Variants in DOCK9 observed in about 807,000 individuals in gnomAD.
The protein encoded by DOCK9 is dedicator of cytokinesis protein 9.
A neutral mutation model predicts 263.3 loss-of-function variants in DOCK9; 89 were observed. The observed-to-expected ratio is 0.34, with a 90% CI of 0.28 to 0.40. DOCK9 has a LOEUF of 0.40. Ranked by LOEUF, DOCK9 falls within the 10% of genes least tolerant of loss-of-function variation. The probability of loss-of-function intolerance (pLI) is 1.00; values close to 1 mark genes in which losing one functional copy is unlikely to be tolerated. For synonymous variants in DOCK9, 976 were observed against 973.1 expected (o/e 1.00, Z -0.06); for missense variants, 2,140 against 2,603.4 (o/e 0.82, Z 3.87).
chr13:98,882,981 G>A (rs1478471929), intron 23 of DOCK9, 61 bp downstream of exon 23: 31 of 1,449,076 alleles, frequency 2.1e-5, no homozygotes, highest in Non-Finnish European at 2.7e-5. Context: ...CACCACCAAA[G>A]AGAAAACCCA....
intron 1 of DOCK9, among the ~76,000 whole-genome samples, chr13:99,038,003 A>G (rs922596237): frequency 3.3e-5 from 5 of 152,228 alleles, no homozygotes; most frequent in Non-Finnish European, 7.3e-5. Flanking sequence ...AAACATGTAC[A>G]TCATCTTGAA....
chr13:98,886,449 T>C, intron 19 of DOCK9, 83 bp downstream of exon 19: 1 of 1,117,008 alleles, frequency 9.0e-7, no homozygotes, highest in Non-Finnish European at 1.3e-6. Context: ...CAGCTTCTCT[T>C]GAATTTTCCT....
chr13:99,048,495 T>C (rs1005042840), intron 1 of DOCK9, among the ~76,000 whole-genome samples: 4 of 152,226 alleles, frequency 2.6e-5, no homozygotes, highest in Admixed American at 2.6e-4. Context: ...ATAGGGCTTA[T>C]CACGGAAAGC....
At chr13:98,972,622 G>A (rs1234060905) in intron 1 of DOCK9, among the ~76,000 whole-genome samples, 1 of 152,200 alleles carries the variant, frequency 6.6e-6, no homozygotes, top group Non-Finnish European at 1.5e-5. Flanking sequence ...AGCAGCAGGA[G>A]CCTCATGTAA....
chr13:98,947,289 C>A (rs9517500), intron 2 of DOCK9, among the ~76,000 whole-genome samples: 63,508 of 151,836 alleles, frequency 0.42, 13,634 homozygotes, highest in East Asian at 0.56. Context: ...CCTCACAAAG[C>A]TGAGTCCTTT....
At chr13:99,009,469 C>T (rs1319396154) in intron 1 of DOCK9, among the ~76,000 whole-genome samples, 3 of 152,160 alleles carry the variant, frequency 2.0e-5, no homozygotes, top group Non-Finnish European at 2.9e-5. Flanking sequence ...GCCAAGCAGG[C>T]TCCGGGCCTT....
intron 1 of DOCK9, among the ~76,000 whole-genome samples, chr13:99,040,494 A>G (rs1417965117): frequency 6.6e-6 from 1 of 152,226 alleles, no homozygotes; most frequent in Non-Finnish European, 1.5e-5. Context: ...TCAGAAATAT[A>G]TAAATTTTAA....
At chr13:98,805,861 A>G (rs1594168328) in intron 48 of DOCK9, among the ~76,000 whole-genome samples, 2 of 152,128 alleles carry the variant, frequency 1.3e-5, no homozygotes, top group East Asian at 3.9e-4. Context: ...CCAGCGTTCA[A>G]GTGATTCTCC....
At chr13:98,958,188 C>T (rs532152174) in intron 1 of DOCK9, among the ~76,000 whole-genome samples, 1 of 152,326 alleles carries the variant, frequency 6.6e-6, no homozygotes, top group South Asian at 2.1e-4. Context: ...CTGGGAGAGA[C>T]AAAGGGCACA....
At chr13:98,926,259 C>A (rs1002144429) in intron 3 of DOCK9, among the ~76,000 whole-genome samples, 3 of 152,176 alleles carry the variant, frequency 2.0e-5, no homozygotes, top group African/African-American at 7.2e-5. Flanking sequence ...AGCCATGTGG[C>A]CTCTACTATG....
intron 38 of DOCK9, among the ~76,000 whole-genome samples, 196 bp from the exon 39 acceptor site, chr13:98,837,805 CAATTAT>C (rs1371163652): frequency 6.6e-6 from 1 of 151,892 alleles, no homozygotes; most frequent in East Asian, 1.9e-4. Flanking sequence ...TGTTTCAATA[CAATTAT>C]AACTTTTTTC....
intron 2 of DOCK9, among the ~76,000 whole-genome samples, chr13:98,939,409 A>G (rs1194092020): frequency 6.6e-6 from 1 of 152,206 alleles, no homozygotes; most frequent in African/African-American, 2.4e-5. Context: ...CTGTGGAGCC[A>G]TCAATCCTCT....
chr13:98,948,897 G>A (rs1256302397), intron 2 of DOCK9, among the ~76,000 whole-genome samples: 1 of 152,084 alleles, frequency 6.6e-6, no homozygotes, highest in African/African-American at 2.4e-5. Context: ...CCCTTTTCAG[G>A]CTGAATAATA....
At chr13:99,054,607 A>C (rs2040838141) in intron 1 of DOCK9, among the ~76,000 whole-genome samples, 1 of 152,276 alleles carries the variant, frequency 6.6e-6, no homozygotes. Flanking sequence ...GCATAAGCCC[A>C]GAATCACATC....
chr13:99,050,256 T>C (rs981379026), intron 1 of DOCK9, among the ~76,000 whole-genome samples: 1 of 152,196 alleles, frequency 6.6e-6, no homozygotes, highest in Non-Finnish European at 1.5e-5. Context: ...CTAGAGTTCA[T>C]TCCATATTTC....
At chr13:99,077,274 G>T (rs1409798657) in intron 1 of DOCK9, among the ~76,000 whole-genome samples, 1 of 152,200 alleles carries the variant, frequency 6.6e-6, no homozygotes, top group Non-Finnish European at 1.5e-5. Context: ...CAAATCCCCA[G>T]TGTTGGAGGA....
intron 45 of DOCK9, among the ~76,000 whole-genome samples, chr13:98,813,153 G>T (rs192062659): frequency 1.1e-4 from 17 of 152,246 alleles, no homozygotes; most frequent in African/African-American, 4.1e-4. Flanking sequence ...TATTTTCCAA[G>T]TTCTTCGGGA....
At chr13:98,992,258 G>A (rs1227682968) in intron 1 of DOCK9, among the ~76,000 whole-genome samples, 2 of 152,144 alleles carry the variant, frequency 1.3e-5, no homozygotes, top group Admixed American at 1.3e-4. Flanking sequence ...TATCATGTCA[G>A]GATCATTTAG....
At chr13:98,873,542 ACT>A (rs1012216472) in intron 27 of DOCK9, among the ~76,000 whole-genome samples, 1 of 152,198 alleles carries the variant, frequency 6.6e-6, no homozygotes, top group African/African-American at 2.4e-5. Flanking sequence ...GTCATGGCTA[ACT>A]CTGGCCAATG....
Sources: gnomAD v4.1 joint callset for allele counts (sites outside exome capture counted in the v4.1 genomes callset) on GRCh38, gnomAD v4.1.1 for gene constraint, MANE v1.5 for transcripts, NCBI Gene and HGNC (gene_info 2026-07-23, HGNC 2026-07-21) for gene names.